NDUFAF2: variants seen among roughly 807,000 people sequenced by gnomAD.
NDUFAF2 encodes NADH dehydrogenase [ubiquinone] 1 alpha subcomplex assembly factor 2.
A neutral mutation model predicts 22.8 loss-of-function variants in NDUFAF2; 13 were observed. The observed-to-expected ratio is 0.57, with a 90% CI of 0.37 to 0.91. The LOEUF (loss-of-function observed/expected upper bound fraction) is 0.91, where lower values mean the gene tolerates loss of function less well. Among genes scored for constraint, NDUFAF2 ranks in the 40% least tolerant of loss-of-function variants. The probability of loss-of-function intolerance (pLI) is 0.01; values close to 1 mark genes in which losing one functional copy is unlikely to be tolerated. For synonymous variants in NDUFAF2, 53 were observed against 64.2 expected (o/e 0.83, Z 0.84); for missense variants, 162 against 195.2 (o/e 0.83, Z 1.01).
intron 1 of NDUFAF2, among the ~76,000 whole-genome samples, chr5:60,950,835 A>G (rs1057003327): frequency 6.6e-6 from 1 of 151,706 alleles, no homozygotes; most frequent in African/African-American, 2.4e-5. Flanking sequence ...ATGTGTCCTC[A>G]CTTCCTCCCT....
intron 1 of NDUFAF2, among the ~76,000 whole-genome samples, chr5:60,990,528 A>G (rs1751144713): frequency 6.6e-6 from 1 of 152,128 alleles, no homozygotes; most frequent in South Asian, 2.1e-4. Flanking sequence ...TATTTTATGT[A>G]TTTATTAAAA....
At chr5:61,149,982 T>A (rs1741204289) in intron 3 of NDUFAF2, among the ~76,000 whole-genome samples, 1 of 152,074 alleles carries the variant, frequency 6.6e-6, no homozygotes, top group African/African-American at 2.4e-5. Flanking sequence ...TAGGTTGGAG[T>A]GCCGTGGTAC....
intron 1 of NDUFAF2, among the ~76,000 whole-genome samples, chr5:60,983,043 A>G (rs1031978680): frequency 8.6e-5 from 13 of 151,582 alleles, no homozygotes; most frequent in Non-Finnish European, 1.8e-4. Flanking sequence ...CTATTTCTCC[A>G]CATCCTCTCC....
Position 61,076,973 on chromosome 5 carries a change from G to A in NDUFAF2, c.217+3759G>A, listed in dbSNP as rs550193921. Among the ~76,000 whole-genome samples, 46 of 152,258 alleles carry A rather than the reference G, an allele frequency of 3.0e-4. 2 individuals carry two copies. In the South Asian group the frequency reaches 3.7e-3, roughly 12 times the overall value. On this transcript the variant is annotated intron_variant, in intron 2 of 3. Transcript: ENST00000296597. ...TCTTAAGCTGTTTTGGCCTCACCTG[G>A]AAAAAGGAGTTGCTGTTAACTGACA...
chr5:61,104,568 G>A (rs1752740014), intron 3 of NDUFAF2, among the ~76,000 whole-genome samples: 1 of 152,074 alleles, frequency 6.6e-6, no homozygotes, highest in African/African-American at 2.4e-5. Context: ...GGTTGGGATG[G>A]CTGGATAGGA....
chr5:61,087,275 A>G (rs1752515789), intron 2 of NDUFAF2, among the ~76,000 whole-genome samples: 1 of 152,174 alleles, frequency 6.6e-6, no homozygotes, highest in Admixed American at 6.6e-5. Flanking sequence ...GAAGCTGATT[A>G]TACTGGCATC....
At chr5:61,149,140 T>A (rs1208483178) in intron 3 of NDUFAF2, among the ~76,000 whole-genome samples, 1 of 152,068 alleles carries the variant, frequency 6.6e-6, no homozygotes, top group Admixed American at 6.6e-5. Flanking sequence ...CTGGCTAATT[T>A]GTGTATTTTT....
chr5:61,130,563 G>T (rs896511083), intron 3 of NDUFAF2, among the ~76,000 whole-genome samples: 8 of 152,070 alleles, frequency 5.3e-5, no homozygotes, highest in Non-Finnish European at 1.0e-4. Context: ...TGACAAGTCT[G>T]GTTCAGCAAT....
intron 3 of NDUFAF2, among the ~76,000 whole-genome samples, chr5:61,103,176 C>G (rs1752723425): frequency 1.3e-5 from 2 of 152,132 alleles, no homozygotes; most frequent in Admixed American, 1.3e-4. Context: ...CCTTGGCATA[C>G]TATGCAAGGC....
intron 3 of NDUFAF2, among the ~76,000 whole-genome samples, chr5:61,111,983 T>C (rs1752848150): frequency 6.6e-6 from 1 of 152,054 alleles, no homozygotes; most frequent in Admixed American, 6.6e-5. Flanking sequence ...GGTCTTGAAC[T>C]CTTGAGTTCA....
chr5:61,080,175 C>T (rs1752424788), intron 2 of NDUFAF2, among the ~76,000 whole-genome samples: 1 of 151,968 alleles, frequency 6.6e-6, no homozygotes, highest in African/African-American at 2.4e-5. Context: ...TATCTTTTTG[C>T]ATTAACTAGT....
At chr5:61,003,434 A>G (rs2112592234) in intron 1 of NDUFAF2, among the ~76,000 whole-genome samples, 1 of 152,180 alleles carries the variant, frequency 6.6e-6, no homozygotes, top group East Asian at 1.9e-4. Flanking sequence ...TTTATGAGCC[A>G]GGTAAAATTT....
intron 1 of NDUFAF2, among the ~76,000 whole-genome samples, chr5:60,999,306 A>C (rs1580087552): frequency 6.6e-6 from 1 of 152,106 alleles, no homozygotes; most frequent in East Asian, 1.9e-4. Context: ...AAAAGGCAAA[A>C]AACAACCCAA....
chr5:60,979,767 C>G (rs1221918898), intron 1 of NDUFAF2, among the ~76,000 whole-genome samples: 1 of 152,144 alleles, frequency 6.6e-6, no homozygotes, highest in Non-Finnish European at 1.5e-5. Flanking sequence ...AGGACATAAG[C>G]CTGGCTGGAT....
chr5:60,966,637 T>C (rs754969762), intron 1 of NDUFAF2, among the ~76,000 whole-genome samples: 2 of 152,188 alleles, frequency 1.3e-5, no homozygotes, highest in Non-Finnish European at 2.9e-5. Context: ...TCTGTGTTCT[T>C]GGCATCTTTG....
intron 1 of NDUFAF2, among the ~76,000 whole-genome samples, chr5:61,028,651 A>G (rs546517858): frequency 1.3e-5 from 2 of 152,140 alleles, no homozygotes; most frequent in Non-Finnish European, 1.5e-5. Flanking sequence ...AAAATGATCC[A>G]TAAACATCCT....
intron 1 of NDUFAF2, among the ~76,000 whole-genome samples, chr5:60,983,119 G>A (rs955521855): frequency 6.6e-6 from 1 of 151,126 alleles, no homozygotes; most frequent in Non-Finnish European, 1.5e-5. Context: ...GTATCTCATT[G>A]TGGTTTTGAT....
At chr5:61,004,212 C>T (rs926007119) in intron 1 of NDUFAF2, among the ~76,000 whole-genome samples, 3 of 151,928 alleles carry the variant, frequency 2.0e-5, no homozygotes. Flanking sequence ...TCTCTTTTCC[C>T]GTGCTATTGG....
At chr5:60,960,554 A>C (rs1457739729) in intron 1 of NDUFAF2, among the ~76,000 whole-genome samples, 1 of 152,160 alleles carries the variant, frequency 6.6e-6, no homozygotes, top group Non-Finnish European at 1.5e-5. Context: ...AGACTTTGTA[A>C]GTGTGACTTA....
Sources: allele counts gnomAD v4.1 joint callset (sites outside exome capture counted in the v4.1 genomes callset), GRCh38; gene constraint gnomAD v4.1.1; transcripts MANE v1.5; gene names NCBI Gene and HGNC (gene_info 2026-07-23, HGNC 2026-07-21).